Variants in DZIP3 observed in about 807,000 individuals in gnomAD.
DZIP3 encodes E3 ubiquitin-protein ligase DZIP3.
A neutral mutation model predicts 162.0 loss-of-function variants in DZIP3; 118 were observed. That is an observed-to-expected ratio of 0.73 (90% CI 0.63 to 0.85). DZIP3 has a LOEUF of 0.85. DZIP3 is among the 40% of genes least tolerant of loss of function. The pLI is 0.00. For synonymous variants in DZIP3, 438 were observed against 458.6 expected (o/e 0.96, Z 0.57); for missense variants, 1,331 against 1,407.0 (o/e 0.95, Z 0.86).
At chr3:108,612,141 A>T (rs1228852580) in intron 4 of DZIP3, among the ~76,000 whole-genome samples, 1 of 152,138 alleles carries the variant, frequency 6.6e-6, no homozygotes, top group Non-Finnish European at 1.5e-5. Flanking sequence ...CCATTTCTTA[A>T]TGGAGTTTTC....
rs529632150 is a variant in DZIP3, at chr3:108,643,240, A to G, written c.1141+726A>G. 3.3e-5 allele frequency among the ~76,000 whole-genome samples: 5 copies of G among 152,338 alleles called. No homozygotes were observed. The East Asian group carries it at 9.6e-4, about 29-fold the overall frequency. ...ACCAAATGCCATTATATACTAAATT[A>G]TTAGTACTTTCTAATTCACTTCAGC... On this transcript the variant is annotated intron_variant, in intron 13 of 32. Coordinates refer to ENST00000361582, the MANE Select transcript of DZIP3 (RefSeq NM_014648.4).
Position 108,636,617 on chromosome 3 carries a change from G to A in DZIP3, c.920G>A (p.Ser307Asn), listed in dbSNP as rs1347970558. 6.5e-7 allele frequency: 1 copy of A among 1,546,264 alleles called. No homozygotes were observed. The highest frequency in any genetic ancestry group is 8.7e-7 in the Non-Finnish European group (1 of 1,153,096). The change falls in exon 11 of 33, where the codon AGT (serine) becomes AAT (asparagine). Residue 307 changes from serine to asparagine, a missense_variant and splice_region_variant. By Grantham distance (46) the Ser-to-Asn change is conservative (BLOSUM62 1). This residue lies in a region of DZIP3 where 1,278 missense variants were observed against 1,317.1 expected (regional missense o/e 0.97). Transcript: ENST00000361582. ...ATTTTTTTCTATTAATAAATTTAGAGTTTTAGTGGGAAAAAATGTTTGAAG... is the reference window on the plus strand; with the variant it reads ...ATTTTTTTCTATTAATAAATTTAGAATTTTAGTGGGAAAAAATGTTTGAAG... ...NLKYPGENDQ[S>N]FSGKKCLKEG...
chr3:108,594,960 A>G (rs1215436309), intron 1 of DZIP3, among the ~76,000 whole-genome samples: 2 of 152,212 alleles, frequency 1.3e-5, no homozygotes, highest in Non-Finnish European at 2.9e-5. Context: ...AAAAATGTAT[A>G]ATAGTTTTAA....
At chr3:108,633,172 A>T in intron 9 of DZIP3, 100 bp downstream of exon 9, 1 of 542,250 alleles carries the variant, frequency 1.8e-6, no homozygotes, top group Admixed American at 5.4e-5. Flanking sequence ...AAAATATTTT[A>T]AAAGAGCATT....
intron 26 of DZIP3, 42 bp from the exon 27 acceptor site, chr3:108,684,174 G>A (rs568723945): frequency 1.3e-6 from 2 of 1,543,476 alleles, no homozygotes; most frequent in Non-Finnish European, 1.8e-6. Flanking sequence ...TAAATATGTG[G>A]GGGGGGGTGT....
intron 6 of DZIP3, 152 bp downstream of exon 6, chr3:108,624,676 A>G (rs573698924): frequency 1.5e-5 from 7 of 459,506 alleles, no homozygotes; most frequent in East Asian, 1.5e-4. Flanking sequence ...AATGCTTACC[A>G]TTCATGTAAA....
chr3:108,660,177 C>T (rs1034651281), intron 19 of DZIP3, among the ~76,000 whole-genome samples: 1 of 152,256 alleles, frequency 6.6e-6, no homozygotes, highest in East Asian at 1.9e-4. Flanking sequence ...GCCTGCATTG[C>T]GAAGTCAATC....
At chr3:108,641,689 T>TC (rs1942408025) in intron 12 of DZIP3, among the ~76,000 whole-genome samples, 1 of 152,194 alleles carries the variant, frequency 6.6e-6, no homozygotes, top group East Asian at 1.9e-4. Flanking sequence ...CTCAGTATCT[T>TC]CCCCAATAAC....
intron 7 of DZIP3, among the ~76,000 whole-genome samples, chr3:108,626,425 C>G (rs1941593023): frequency 6.6e-6 from 1 of 152,146 alleles, no homozygotes; most frequent in Non-Finnish European, 1.5e-5. Flanking sequence ...ATTATCACCA[C>G]TAACTTGGAA....
chr3:108,666,811 C>T (rs1000934011), intron 21 of DZIP3, among the ~76,000 whole-genome samples: 2 of 152,072 alleles, frequency 1.3e-5, no homozygotes, highest in Non-Finnish European at 2.9e-5. Context: ...CAAAGAAGAG[C>T]TCTCAAGAGA....
chr3:108,654,103 A>G (rs759096323), intron 18 of DZIP3, 42 bp from the exon 19 acceptor site: 2 of 1,593,866 alleles, frequency 1.3e-6, no homozygotes, highest in Non-Finnish European at 1.7e-6. Flanking sequence ...GAAAATTACT[A>G]TACAATTGTA....
intron 23 of DZIP3, among the ~76,000 whole-genome samples, chr3:108,672,946 A>T (rs1943977461): frequency 6.6e-6 from 1 of 151,922 alleles, no homozygotes; most frequent in Non-Finnish European, 1.5e-5. Context: ...AATTCTCATG[A>T]AGCCAAGTCA....
chr3:108,658,633 C>G (rs1042415387), intron 19 of DZIP3, among the ~76,000 whole-genome samples: 6 of 152,116 alleles, frequency 3.9e-5, no homozygotes, highest in African/African-American at 1.4e-4. Flanking sequence ...CAAGAAATAA[C>G]TAAGATCAGA....
chr3:108,662,033 T>C (rs1943462085), intron 20 of DZIP3, 61 bp downstream of exon 20: 1 of 1,579,608 alleles, frequency 6.3e-7, no homozygotes, highest in South Asian at 1.2e-5. Flanking sequence ...TTAAACTTAC[T>C]GGTGCTTTCT....
intron 7 of DZIP3, among the ~76,000 whole-genome samples, chr3:108,626,382 C>G (rs567676335): frequency 3.5e-4 from 53 of 152,054 alleles, no homozygotes; most frequent in Non-Finnish European, 7.4e-4. Context: ...AAATGCTGTA[C>G]TTAATAAATA....
Position 108,690,799 on chromosome 3 carries a change from T to TGCACTAA in DZIP3, c.3530_3531insCACTAAG (p.Trp1177CysfsTer61). 1 of 1,614,006 alleles carries TGCACTAA rather than the reference T, an allele frequency of 6.2e-7. No individual in the cohort carries two copies. Among genetic ancestry groups the TGCACTAA allele is most frequent in the Non-Finnish European group, 8.5e-7 (1 of 1,179,900 alleles). On this transcript the variant is annotated frameshift_variant, in exon 32 of 33. Transcript: ENST00000361582. LOFTEE classifies it high-confidence loss of function. ...TTTTGCTCCTTAGTGCATTAGACCATGGTTGATGCAACAGGGGACATGTCC... is the reference window on the plus strand; with the variant it reads ...TTTTGCTCCTTAGTGCATTAGACCATGCACTAAGGTTGATGCAACAGGGGACATGTCC...
chr3:108,641,334 T>C (rs1942390645), intron 12 of DZIP3, among the ~76,000 whole-genome samples: 2 of 152,332 alleles, frequency 1.3e-5, no homozygotes, highest in Admixed American at 1.3e-4. Flanking sequence ...ATTTGTTTTA[T>C]GCATTTTAAA....
At chr3:108,589,869 G>A (rs1221162791) in intron 1 of DZIP3, 30 bp downstream of exon 1, 1 of 152,596 alleles carries the variant, frequency 6.6e-6, no homozygotes, top group African/African-American at 2.4e-5. Flanking sequence ...AGAATCTTGG[G>A]CCCTAGATTT....
intron 2 of DZIP3, among the ~76,000 whole-genome samples, chr3:108,606,888 A>G (rs963669273): frequency 6.6e-6 from 1 of 152,132 alleles, no homozygotes; most frequent in African/African-American, 2.4e-5. Context: ...GTTGATTTTA[A>G]TATGTATCTG....
Sources: gnomAD v4.1 joint callset for allele counts (sites outside exome capture counted in the v4.1 genomes callset) on GRCh38, gnomAD v4.1.1 for gene constraint, gnomAD v4.1.1 regional missense constraint, MANE v1.5 for transcripts, NCBI Gene and HGNC (gene_info 2026-07-23, HGNC 2026-07-21) for gene names.